Variants in WDPCP observed in about 807,000 individuals in gnomAD.
WDPCP encodes WD repeat-containing and planar cell polarity effector protein fritz homolog.
WDPCP carries 71 observed loss-of-function variants against 93.1 expected under a neutral mutation model. The observed-to-expected ratio is 0.76, with a 90% CI of 0.63 to 0.93. WDPCP has a LOEUF of 0.93. WDPCP is among the 40% of genes least tolerant of loss of function. WDPCP has a pLI of 0.00. For missense variants in WDPCP, 844 were observed against 887.4 expected, an observed-to-expected ratio of 0.95 and a Z score of 0.62; for synonymous variants, 315 against 315.0, an observed-to-expected ratio of 1.00 and a Z score of 0.00.
At position 63,484,807 on chromosome 2, in the gene WDPCP, C is replaced by G. The variant is rs975585986; in HGVS notation, c.324+110G>C. The G allele has an allele frequency of 2.0e-6, 3 of 1,492,062 alleles. No homozygotes were observed. In the African/African-American group the frequency reaches 4.2e-5, roughly 21 times the overall value. 92.4% of individuals were successfully genotyped at this position (1,492,062 alleles called of 1,614,324 possible). On this transcript the variant is annotated intron_variant, in intron 5 of 17. Transcript: ENST00000272321. ...TTTGGAACTCATCACTGGACAAAAG[C>G]AAAGCTATCATCACCATGAGAGTTG...
chr2:63,658,028 G>C (rs1450017835), intron 2 of WDPCP, among the ~76,000 whole-genome samples: 1 of 152,152 alleles, frequency 6.6e-6, no homozygotes, highest in Non-Finnish European at 1.5e-5. Context: ...GAAGATAAAG[G>C]ACAATCTATA....
At chr2:63,197,008 T>G (rs1157019980) in intron 14 of WDPCP, among the ~76,000 whole-genome samples, 1 of 152,142 alleles carries the variant, frequency 6.6e-6, no homozygotes, top group African/African-American at 2.4e-5. Flanking sequence ...ACAGAAACAT[T>G]GTTAGAGAAA....
intron 13 of WDPCP, among the ~76,000 whole-genome samples, chr2:63,291,818 A>G (rs1684443957): frequency 6.6e-6 from 1 of 151,138 alleles, no homozygotes; most frequent in African/African-American, 2.4e-5. Flanking sequence ...CAAAAAAAAA[A>G]AAAGAAAAGA....
At chr2:63,730,416 A>G (rs970063163) in intron 2 of WDPCP, among the ~76,000 whole-genome samples, 6 of 152,164 alleles carry the variant, frequency 3.9e-5, no homozygotes, top group African/African-American at 1.4e-4. Flanking sequence ...GGCCTTTATC[A>G]GGGACAAGTA....
At chr2:63,506,457 G>A in intron 1 of WDPCP, among the ~76,000 whole-genome samples, 1 of 151,762 alleles carries the variant, frequency 6.6e-6, no homozygotes, top group East Asian at 1.9e-4. Flanking sequence ...AAAAGGCAAA[G>A]GAACTAGTGG....
chr2:63,334,134 G>C (rs1414922742), intron 12 of WDPCP, among the ~76,000 whole-genome samples: 1 of 152,134 alleles, frequency 6.6e-6, no homozygotes, highest in Non-Finnish European at 1.5e-5. Flanking sequence ...ACAATACCAA[G>C]TCTTTTAATC....
intron 14 of WDPCP, among the ~76,000 whole-genome samples, chr2:63,251,682 G>A (rs559392408): frequency 2.0e-5 from 3 of 151,472 alleles, no homozygotes; most frequent in Non-Finnish European, 2.9e-5. Flanking sequence ...TAGTAGAGAC[G>A]GGGTTTCACC....
intron 14 of WDPCP, among the ~76,000 whole-genome samples, chr2:63,202,125 A>G (rs188803934): frequency 3.9e-5 from 6 of 151,968 alleles, no homozygotes; most frequent in Admixed American, 3.9e-4. Flanking sequence ...TGATATAAAC[A>G]TTAAGTACTA....
intron 2 of WDPCP, among the ~76,000 whole-genome samples, chr2:63,794,855 T>G (rs1403449612): frequency 1.3e-5 from 2 of 152,242 alleles, no homozygotes; most frequent in Non-Finnish European, 2.9e-5. Context: ...CCAGCACTCT[T>G]CTATCTAGTC....
rs1408765274 is a variant in WDPCP at position 63,798,690 on chromosome 2, A to G, written n.308+14932T>C. On this transcript the variant is annotated intron_variant and non_coding_transcript_variant, in intron 2 of 4. Transcript: ENST00000467687. ...AAGAAGACCACCAAACAACCAGAAAATAAATAAAAAATGGCAGTAGTAAGT... is the reference window on the plus strand; with the variant it reads ...AAGAAGACCACCAAACAACCAGAAAGTAAATAAAAAATGGCAGTAGTAAGT... Among the ~76,000 whole-genome samples, 3 of 152,226 alleles carry G rather than the reference A, an allele frequency of 2.0e-5. No homozygotes were observed. The East Asian group carries it at 5.8e-4, about 29-fold the overall frequency.
intron 12 of WDPCP, among the ~76,000 whole-genome samples, chr2:63,370,813 C>A (rs752439581): frequency 5.9e-5 from 9 of 151,416 alleles, no homozygotes; most frequent in Non-Finnish European, 1.2e-4. Flanking sequence ...ATTCCCTTTG[C>A]TTTTTTTTCT....
Position 63,268,896 on chromosome 2 carries a change from T to G in WDPCP, c.1813-9487A>C, listed in dbSNP as rs1441686622. Among the ~76,000 whole-genome samples the G allele has an allele frequency of 2.6e-5, 4 of 152,158 alleles. No individual in the cohort carries two copies. The East Asian group carries it at 7.7e-4, about 29-fold the overall frequency. ...TGTATACATAGATAAAAACATCACATTGTACCCCACAAATATACACACATC... is the reference window on the plus strand; with the variant it reads ...TGTATACATAGATAAAAACATCACAGTGTACCCCACAAATATACACACATC... On this transcript the variant is annotated intron_variant, in intron 13 of 17. Coordinates refer to ENST00000272321, the MANE Select transcript of WDPCP (RefSeq NM_015910.7).
At chr2:63,574,145 C>G (rs980765457) in intron 1 of WDPCP, among the ~76,000 whole-genome samples, 1 of 152,140 alleles carries the variant, frequency 6.6e-6, no homozygotes, top group Admixed American at 6.5e-5. Context: ...TTGTGCAGCA[C>G]GTGATGTCTG....
chr2:63,209,080 T>TA (rs753948907), intron 14 of WDPCP, among the ~76,000 whole-genome samples: 17 of 152,200 alleles, frequency 1.1e-4, no homozygotes, highest in South Asian at 4.1e-4. Context: ...ACTGGGCCAG[T>TA]AAAAAACAAA....
chr2:63,838,166 G>A, the WDPCP span, among the ~76,000 whole-genome samples: 1 of 152,074 alleles, frequency 6.6e-6, no homozygotes, highest in South Asian at 2.1e-4. Context: ...CACTAAACTG[G>A]TCATTCAATA....
chr2:63,685,249 A>C (rs1371376321), intron 2 of WDPCP, among the ~76,000 whole-genome samples: 1 of 152,200 alleles, frequency 6.6e-6, no homozygotes, highest in Non-Finnish European at 1.5e-5. Flanking sequence ...CCAAATAAAT[A>C]AAATCAGAGA....
At chr2:63,840,820 A>ACTG in the WDPCP span, 1 of 152,692 alleles carries the variant, frequency 6.5e-6, no homozygotes, top group African/African-American at 2.4e-5. Context: ...ATCCCCGCGT[A>ACTG]CTGCTCAGTG....
chr2:63,224,612 C>T (rs1678122872), intron 14 of WDPCP, among the ~76,000 whole-genome samples: 1 of 151,810 alleles, frequency 6.6e-6, no homozygotes, highest in Non-Finnish European at 1.5e-5. Flanking sequence ...TTATTAAATG[C>T]ATATCACCAA....
At chr2:63,273,727 G>A (rs964503726) in intron 13 of WDPCP, among the ~76,000 whole-genome samples, 2 of 151,866 alleles carry the variant, frequency 1.3e-5, no homozygotes, top group Non-Finnish European at 2.9e-5. Flanking sequence ...AAAGAGACAA[G>A]GAAGGTGATT....
Sources: allele counts gnomAD v4.1 joint callset (sites outside exome capture counted in the v4.1 genomes callset), GRCh38; gene constraint gnomAD v4.1.1; transcripts MANE v1.5; gene names NCBI Gene and HGNC (gene_info 2026-07-23, HGNC 2026-07-21).